COL28A1: variants seen among roughly 807,000 people sequenced by gnomAD.
COL28A1 encodes collagen type XXVIII alpha 1 chain.
In COL28A1, 161 loss-of-function variants were observed where a neutral mutation model predicts 150.2. The ratio of observed to expected loss-of-function variants is 1.07; its 90% CI spans 0.94 to 1.22. COL28A1 has a LOEUF of 1.22. Among genes scored for constraint, COL28A1 ranks in the 50% most tolerant of loss-of-function variants. The pLI is 0.00. For synonymous variants in COL28A1, 552 were observed against 469.7 expected (o/e 1.18, Z -2.26); for missense variants, 1,617 against 1,388.3 (o/e 1.16, Z -2.62).
chr7:7,425,035 A>G (rs567239590), intron 25 of COL28A1, among the ~76,000 whole-genome samples: 10 of 152,306 alleles, frequency 6.6e-5, no homozygotes, highest in African/African-American at 2.2e-4. Flanking sequence ...TTTTCTCATT[A>G]GTAAATCTTC....
chr7:7,360,563 A>G, intron 33 of COL28A1, 35 bp from the exon 34 acceptor site: 1 of 1,569,568 alleles, frequency 6.4e-7, no homozygotes, highest in Non-Finnish European at 8.6e-7. Context: ...TGTTTCTGAT[A>G]ATATCAAGTA....
intron 21 of COL28A1, among the ~76,000 whole-genome samples, chr7:7,440,328 T>C (rs1228501524): frequency 2.0e-5 from 3 of 152,242 alleles, no homozygotes; most frequent in African/African-American, 7.2e-5. Context: ...AAATAGAGCA[T>C]ATCGTTATCT....
intron 5 of COL28A1, 149 bp downstream of exon 5, chr7:7,521,756 T>TA: frequency 1.6e-6 from 1 of 635,580 alleles, no homozygotes; most frequent in Non-Finnish European, 2.8e-6. Flanking sequence ...CCTTTAGAAA[T>TA]AAAAGAAAGA....
At chr7:7,496,834 C>A (rs1052022107) in intron 11 of COL28A1, among the ~76,000 whole-genome samples, 20 of 152,114 alleles carry the variant, frequency 1.3e-4, no homozygotes, top group African/African-American at 3.9e-4. Flanking sequence ...ATGCATGGGA[C>A]CAACTTTAAT....
intron 3 of COL28A1, among the ~76,000 whole-genome samples, chr7:7,530,980 A>G (rs746760667): frequency 2.0e-4 from 31 of 152,320 alleles, no homozygotes; most frequent in South Asian, 6.2e-4. Context: ...CCAACTTGGT[A>G]CAAATATAGC....
At chr7:7,429,498 TGC>T (rs1243531593) in intron 25 of COL28A1, among the ~76,000 whole-genome samples, 13 of 151,242 alleles carry the variant, frequency 8.6e-5, no homozygotes. Context: ...TGTGTGTGTA[TGC>T]GTGTGTGTTT....
chr7:7,470,662 G>A (rs1368003219), intron 15 of COL28A1, among the ~76,000 whole-genome samples: 9 of 62,746 alleles, frequency 1.4e-4, no homozygotes, highest in Non-Finnish European at 8.0e-5. Flanking sequence ...ACATGCACAC[G>A]TATGTTTATT....
Position 7,410,870 on chromosome 7 carries a change from C to G in COL28A1, c.2136+6989G>C, listed in dbSNP as rs147780655. ...ACAACTTAGTGTACTTCAAACCCAT[C>G]TCTGACTTTTTTAATAAATGAGATT... On this transcript the variant is annotated intron_variant, in intron 27 of 34. Transcript: ENST00000399429. Among the ~76,000 whole-genome samples the G allele has an allele frequency of 4.9e-3, 740 of 152,252 alleles. 17 individuals carry two copies. Among genetic ancestry groups the G allele is most frequent in the Non-Finnish European group, 2.1e-3 (145 of 68,018 alleles).
rs116677927 is a variant in COL28A1 at position 7,365,749 on chromosome 7, G to C, written c.3066+4976C>G. On this transcript the variant is annotated intron_variant, in intron 33 of 34. Coordinates refer to ENST00000399429, the MANE Select transcript of COL28A1 (RefSeq NM_001037763.3). ...TAAGACTTAGCATATTCCCAGGAGT[G>C]TGGGTCAAAATTTCTCCAATTTGGC... 9.3e-3 allele frequency among the ~76,000 whole-genome samples: 1,409 copies of C among 152,294 alleles called. 23 individuals carry two copies. Among genetic ancestry groups the C allele is most frequent in the African/African-American group, 0.032 (1,343 of 41,550 alleles).
At chr7:7,391,380 G>A (rs979254144) in intron 27 of COL28A1, among the ~76,000 whole-genome samples, 7 of 152,144 alleles carry the variant, frequency 4.6e-5, no homozygotes, top group Admixed American at 4.6e-4. Context: ...ATTTGCTGAG[G>A]AGTGTTTTAC....
chr7:7,531,408 G>A lies in COL28A1; in HGVS notation c.621C>T (p.Ser207=). 6.3e-7 allele frequency: 1 copy of A among 1,599,268 alleles called. No homozygotes were observed. Among genetic ancestry groups the A allele is most frequent in the South Asian group, 1.1e-5 (1 of 89,612 alleles). ...CACTCAACAGTAAAGTGGGTTCACT[G>A]GATGAATCCCCAGAAATCAAACGAA... The part of the protein sequence containing the change: ...AKLRLISGDS[S]SEPTLLLSDP... The change falls in exon 3 of 35, where the codon TCC becomes TCT. Residue 207 remains serine, a synonymous_variant. Transcript: ENST00000399429.
intron 27 of COL28A1, among the ~76,000 whole-genome samples, chr7:7,391,433 C>T (rs1782534255): frequency 6.6e-6 from 1 of 152,134 alleles, no homozygotes; most frequent in Non-Finnish European, 1.5e-5. Context: ...TGATGTAGTG[C>T]TGAGAAGAAT....
intron 1 of COL28A1, 139 bp from the exon 2 acceptor site, chr7:7,533,051 C>A: frequency 1.0e-6 from 1 of 986,478 alleles, no homozygotes; most frequent in Non-Finnish European, 1.4e-6. Context: ...AAAATATTCA[C>A]ATTGAGATTT....
At chr7:7,392,002 T>C (rs1408778470) in intron 27 of COL28A1, among the ~76,000 whole-genome samples, 2 of 152,202 alleles carry the variant, frequency 1.3e-5, no homozygotes, top group African/African-American at 4.8e-5. Flanking sequence ...TTGTTATGTA[T>C]GAATTTGATC....
At position 7,386,253 on chromosome 7, in the gene COL28A1, T is replaced by C. The variant is rs73674517; in HGVS notation, c.2137-4641A>G. ...ACTGATACGTCAGGAAACAATGATT[T>C]TTCTTTCGAAATGTTTTCTCAGTAA... On this transcript the variant is annotated intron_variant, in intron 27 of 34. Coordinates refer to ENST00000399429, the MANE Select transcript of COL28A1 (RefSeq NM_001037763.3). Among the ~76,000 whole-genome samples, 1,492 of 152,342 alleles carry C rather than the reference T, an allele frequency of 9.8e-3. 31 individuals are homozygous for C. Among genetic ancestry groups the C allele is most frequent in the African/African-American group, 0.034 (1,393 of 41,580 alleles).
At chr7:7,383,509 C>A (rs1781998368) in intron 27 of COL28A1, among the ~76,000 whole-genome samples, 1 of 151,722 alleles carries the variant, frequency 6.6e-6, no homozygotes, top group Admixed American at 6.6e-5. Context: ...AAACTCCTGA[C>A]CTTAGGTGAT....
intron 11 of COL28A1, among the ~76,000 whole-genome samples, chr7:7,504,228 G>A (rs1780685600): frequency 1.3e-5 from 2 of 152,162 alleles, no homozygotes; most frequent in African/African-American, 4.8e-5. Flanking sequence ...CAGGTATGGT[G>A]GCTCACACTT....
chr7:7,472,611 C>T (rs1025278928), intron 15 of COL28A1, among the ~76,000 whole-genome samples: 1 of 152,108 alleles, frequency 6.6e-6, no homozygotes, highest in Non-Finnish European at 1.5e-5. Flanking sequence ...AAGCCATACA[C>T]AAATTCATTG....
chr7:7,477,709 C>G (rs1310777742), intron 13 of COL28A1, among the ~76,000 whole-genome samples: 2 of 152,182 alleles, frequency 1.3e-5, no homozygotes, highest in Non-Finnish European at 2.9e-5. Context: ...AGTGTGGACC[C>G]AAACAGTTAA....
Sources: gnomAD v4.1 joint callset for allele counts (sites outside exome capture counted in the v4.1 genomes callset) on GRCh38, gnomAD v4.1.1 for gene constraint, MANE v1.5 for transcripts, NCBI Gene and HGNC (gene_info 2026-07-23, HGNC 2026-07-21) for gene names.